CNTNAP3B: variants seen among roughly 807,000 people sequenced by gnomAD.
The protein encoded by CNTNAP3B is contactin-associated protein-like 3B.
A neutral mutation model predicts 108.9 loss-of-function variants in CNTNAP3B; 25 were observed. The observed-to-expected ratio is 0.23, with a 90% CI of 0.17 to 0.32. The LOEUF (loss-of-function observed/expected upper bound fraction) is 0.32. Among genes scored for constraint, CNTNAP3B ranks in the 10% least tolerant of loss-of-function variants. The pLI is 1.00. For synonymous variants in CNTNAP3B, 103 were observed against 473.4 expected (o/e 0.22, Z 10.16); for missense variants, 252 against 1,210.4 (o/e 0.21, Z 11.75).
intron 3 of CNTNAP3B, among the ~76,000 whole-genome samples, chr9:42,042,209 G>A (rs1451315028): frequency 9.6e-6 from 1 of 104,022 alleles, no homozygotes; most frequent in African/African-American, 3.7e-5. Flanking sequence ...TTGTACACAT[G>A]TACCCTAGAA....
chr9:42,118,341 C>T (rs1417027593), intron 1 of CNTNAP3B, among the ~76,000 whole-genome samples: 1 of 139,786 alleles, frequency 7.2e-6, no homozygotes, highest in Non-Finnish European at 1.5e-5. Flanking sequence ...ATCAAGCGGG[C>T]TTCAGCCCTG....
At chr9:41,958,458 G>T (rs1269302244) in intron 12 of CNTNAP3B, among the ~76,000 whole-genome samples, 1 of 152,012 alleles carries the variant, frequency 6.6e-6, no homozygotes, top group East Asian at 1.9e-4. Context: ...AACCAGATGT[G>T]ATGTACCAGG....
At chr9:41,935,248 T>A (rs1187740005) in intron 14 of CNTNAP3B, among the ~76,000 whole-genome samples, 2 of 152,368 alleles carry the variant, frequency 1.3e-5, no homozygotes, top group East Asian at 3.9e-4. Context: ...TTTTTTTAAG[T>A]AATATGCTTA....
rs1193880725 is a variant in CNTNAP3B at position 42,044,927 on chromosome 9, G to A, written c.391-31402C>T. 1.9e-4 allele frequency among the ~76,000 whole-genome samples: 19 copies of A among 101,500 alleles called. 3 individuals carry two copies. The highest frequency in any genetic ancestry group is 1.6e-3 in the East Asian group (3 of 1,864). 66.6% of individuals were successfully genotyped at this position (101,500 alleles called of 152,430 possible). ...AAATGTACTGGACTGTGATAAAAAG[G>A]ACATTTTGCCAATTTATAATTACAC... On this transcript the variant is annotated intron_variant, in intron 3 of 23. Coordinates refer to ENST00000377561, the MANE Select transcript of CNTNAP3B (RefSeq NM_001201380.3).
chr9:41,964,428 T>G, intron 11 of CNTNAP3B, 110 bp downstream of exon 11: 3 of 1,412,792 alleles, frequency 2.1e-6, no homozygotes, highest in Non-Finnish European at 1.9e-6. Context: ...CTGAAATATC[T>G]CTTCTGATGT....
At chr9:41,950,058 A>C (rs920407773) in intron 13 of CNTNAP3B, among the ~76,000 whole-genome samples, 1 of 109,042 alleles carries the variant, frequency 9.2e-6, no homozygotes, top group African/African-American at 3.4e-5. Flanking sequence ...CAATCCAATT[A>C]GAAAATGAAC....
At chr9:42,077,373 T>C (rs1587253110) in intron 2 of CNTNAP3B, among the ~76,000 whole-genome samples, 2 of 134,518 alleles carry the variant, frequency 1.5e-5, no homozygotes, top group East Asian at 4.6e-4. Flanking sequence ...TTGTGCAAGA[T>C]TTGCCCTTTG....
intron 18 of CNTNAP3B, among the ~76,000 whole-genome samples, chr9:41,919,636 G>A (rs1276812846): frequency 2.0e-5 from 3 of 152,296 alleles, no homozygotes; most frequent in Admixed American, 6.5e-5. Flanking sequence ...CTGTCACAAG[G>A]GACAATGGGT....
intron 15 of CNTNAP3B, among the ~76,000 whole-genome samples, chr9:41,924,886 C>T (rs1287476336): frequency 6.6e-6 from 1 of 152,266 alleles, no homozygotes; most frequent in East Asian, 1.9e-4. Flanking sequence ...TTTCAGTTGA[C>T]TTTCAGAATG....
At chr9:42,001,342 A>T (rs1353877677) in intron 4 of CNTNAP3B, among the ~76,000 whole-genome samples, 1 of 124,960 alleles carries the variant, frequency 8.0e-6, no homozygotes, top group Admixed American at 8.1e-5. Flanking sequence ...TGAGCTCGGG[A>T]GGTGGAGGCT....
intron 3 of CNTNAP3B, among the ~76,000 whole-genome samples, chr9:42,072,984 C>CA: frequency 7.2e-6 from 1 of 139,498 alleles, no homozygotes; most frequent in South Asian, 2.3e-4. Context: ...CTAAAAAATG[C>CA]AAATAGCCCC....
intron 14 of CNTNAP3B, among the ~76,000 whole-genome samples, chr9:41,934,420 C>T (rs1305979046): frequency 1.3e-5 from 2 of 152,372 alleles, no homozygotes; most frequent in East Asian, 1.9e-4. Flanking sequence ...CGGGGTTTCA[C>T]CTGTGTTAGC....
intron 13 of CNTNAP3B, among the ~76,000 whole-genome samples, chr9:41,951,804 CG>C (rs1362329421): frequency 6.6e-6 from 1 of 152,176 alleles, no homozygotes; most frequent in African/African-American, 2.4e-5. Flanking sequence ...GGGCCGGGCG[CG>C]GTGGCTCACG....
At position 42,118,743 on chromosome 9, in the gene CNTNAP3B, T is replaced by C. The variant is rs1352569117; in HGVS notation, c.85+10267A>G. Among the ~76,000 whole-genome samples the C allele has an allele frequency of 3.5e-5, 4 of 115,626 alleles. 1 individual carries two copies. The highest frequency in any genetic ancestry group is 7.1e-5 in the Non-Finnish European group (4 of 56,428). The allele number at this position is 115,626 out of a possible 152,430, so 75.9% of individuals were successfully genotyped here. ...AAAAGAGGAAGTCAAATTGTCCCTGTTTGCAGATGACATGATTGTGTATTT... is the reference window on the plus strand; with the variant it reads ...AAAAGAGGAAGTCAAATTGTCCCTGCTTGCAGATGACATGATTGTGTATTT... On this transcript the variant is annotated intron_variant, in intron 1 of 23. Coordinates refer to ENST00000377561, the MANE Select transcript of CNTNAP3B (RefSeq NM_001201380.3).
At chr9:41,954,074 C>A (rs1824783745) in intron 12 of CNTNAP3B, among the ~76,000 whole-genome samples, 1 of 152,122 alleles carries the variant, frequency 6.6e-6, no homozygotes, top group Non-Finnish European at 1.5e-5. Flanking sequence ...ATCTTGAGTT[C>A]TTTAGTGTTC....
At chr9:41,932,775 C>T (rs1285137661) in intron 14 of CNTNAP3B, among the ~76,000 whole-genome samples, 7 of 152,064 alleles carry the variant, frequency 4.6e-5, no homozygotes, top group South Asian at 2.1e-4. Flanking sequence ...GCCTTGGCCT[C>T]GCAAAGTGCT....
intron 10 of CNTNAP3B, among the ~76,000 whole-genome samples, chr9:41,966,760 G>T (rs1825290530): frequency 6.6e-6 from 1 of 152,116 alleles, no homozygotes; most frequent in African/African-American, 2.4e-5. Flanking sequence ...GAGGTCAGGA[G>T]ATCGAGACCA....
chr9:42,033,274 T>C (rs561324391), intron 3 of CNTNAP3B, among the ~76,000 whole-genome samples: 2 of 149,864 alleles, frequency 1.3e-5, no homozygotes, highest in Non-Finnish European at 2.9e-5. Context: ...AATTTTGAGA[T>C]AAAATCTCAT....
Position 42,094,235 on chromosome 9 carries a change from C to G in CNTNAP3B, c.196+10394G>C, listed in dbSNP as rs1587266946. On this transcript the variant is annotated intron_variant, in intron 2 of 23. Coordinates refer to ENST00000377561, the MANE Select transcript of CNTNAP3B (RefSeq NM_001201380.3). ...AAGGGAAAGTGCCAGACATATTTAG[C>G]ATGCAGGCTTAGTAAAAATCTAGAT... is the stretch of plus-strand genomic sequence containing the variant. 1.4e-5 allele frequency among the ~76,000 whole-genome samples: 2 copies of G among 138,842 alleles called. 1 individual carries two copies. Among genetic ancestry groups the G allele is most frequent in the East Asian group, 4.4e-4 (2 of 4,562 alleles). 91.1% of individuals were successfully genotyped at this position (138,842 alleles called of 152,430 possible).
Sources: gnomAD v4.1 joint callset for allele counts (sites outside exome capture counted in the v4.1 genomes callset) on GRCh38, gnomAD v4.1.1 for gene constraint, MANE v1.5 for transcripts, NCBI Gene and HGNC (gene_info 2026-07-23, HGNC 2026-07-21) for gene names.